KCNQ1: variants seen among roughly 807,000 people sequenced by gnomAD.
KCNQ1 encodes the protein potassium voltage-gated channel subfamily Q member 1.
Under a neutral mutation model 72.4 loss-of-function variants are expected in KCNQ1, and 49 were observed. The observed-to-expected ratio is 0.68, with a 90% CI of 0.54 to 0.86. KCNQ1 has a LOEUF of 0.86. KCNQ1 is among the 40% of genes least tolerant of loss of function. KCNQ1 has a pLI of 0.00. For synonymous variants in KCNQ1, 450 were observed against 412.6 expected, an observed-to-expected ratio of 1.09 and a Z score of -1.10; for missense variants, 790 against 945.1, an observed-to-expected ratio of 0.84 and a Z score of 2.15.
At chr11:2,846,156 G>C (rs1373480354) in intron 15 of KCNQ1, among the ~76,000 whole-genome samples, 1 of 152,178 alleles carries the variant, frequency 6.6e-6, no homozygotes, top group Non-Finnish European at 1.5e-5. Flanking sequence ...GACCAGGCCC[G>C]CCCGGCGCAG....
chr11:2,632,402 T>C (rs528128058), intron 10 of KCNQ1: 3 of 398,446 alleles, frequency 7.5e-6, no homozygotes, highest in African/African-American at 4.1e-5. Flanking sequence ...ACTACTATGT[T>C]TAATATAATG....
rs1850868130 is a variant in KCNQ1, at chr11:2,704,167, C to A, written c.1514+42086C>A. 6.6e-6 allele frequency among the ~76,000 whole-genome samples: 1 copy of A among 152,264 alleles called. No individual in the cohort carries two copies. Among genetic ancestry groups the A allele is most frequent in the Admixed American group, 6.5e-5 (1 of 15,288 alleles). ...TGTCCTGGGTAAGGGCTCTGTGATCCTGCAACGCCCACCTTCTTCCTTCAC... is the reference window on the plus strand; with the variant it reads ...TGTCCTGGGTAAGGGCTCTGTGATCATGCAACGCCCACCTTCTTCCTTCAC... On this transcript the variant is annotated intron_variant, in intron 11 of 15. Transcript: ENST00000155840. This position sits in a 1 kb window ranked among gnomAD's most constrained non-coding sequence, Gnocchi z 4.3.
chr11:2,721,101 G>C (rs1296349770), intron 11 of KCNQ1, among the ~76,000 whole-genome samples: 1 of 152,180 alleles, frequency 6.6e-6, no homozygotes, highest in Non-Finnish European at 1.5e-5. Flanking sequence ...GTGGGGAGGG[G>C]ATTGGTGGGG....
At chr11:2,656,187 T>A (rs774153701) in intron 10 of KCNQ1, 3 of 398,430 alleles carry the variant, frequency 7.5e-6, no homozygotes, top group Non-Finnish European at 1.3e-5. Flanking sequence ...CTTTCTTCCT[T>A]CCTTTAAAAA....
intron 2 of KCNQ1, among the ~76,000 whole-genome samples, chr11:2,542,599 C>T (rs935780241): frequency 3.3e-5 from 5 of 152,350 alleles, no homozygotes; most frequent in Middle Eastern, 3.4e-3. Flanking sequence ...TTCTCGCTCC[C>T]GTCGCTGGCC....
intron 11 of KCNQ1, chr11:2,672,100 C>T: frequency 5.0e-6 from 2 of 398,732 alleles, no homozygotes; most frequent in Non-Finnish European, 8.8e-6. Flanking sequence ...GTCTTCTGCC[C>T]ACAGGGGACC....
chr11:2,545,623 T>A (rs1847893620), intron 2 of KCNQ1, among the ~76,000 whole-genome samples: 1 of 152,152 alleles, frequency 6.6e-6, no homozygotes, highest in South Asian at 2.1e-4. Flanking sequence ...TAGGTGATAA[T>A]TATATTCAGG....
chr11:2,833,608 C>T (rs935720001), intron 15 of KCNQ1, among the ~76,000 whole-genome samples: 13 of 152,224 alleles, frequency 8.5e-5, no homozygotes, highest in Non-Finnish European at 1.6e-4. Context: ...CTGGGGTGGG[C>T]AGGCTTCCCC....
At position 2,515,200 on chromosome 11, in the gene KCNQ1, C is replaced by G. The variant is rs1196239311; in HGVS notation, c.387-12728C>G. On this transcript the variant is annotated intron_variant, in intron 1 of 15. Coordinates refer to ENST00000155840, the MANE Select transcript of KCNQ1 (RefSeq NM_000218.3). The surrounding 1 kb of genome is among the most constrained non-coding windows in gnomAD (Gnocchi z 4.7). ...CCCTCTCCACCTCCCCTTTGGAGTCCCAGAGTGACCTTTCTCCGTCTTTCT... is the reference window on the plus strand; with the variant it reads ...CCCTCTCCACCTCCCCTTTGGAGTCGCAGAGTGACCTTTCTCCGTCTTTCT... Among the ~76,000 whole-genome samples, 1 of 152,110 alleles carries G rather than the reference C, an allele frequency of 6.6e-6. No homozygotes were observed. Among genetic ancestry groups the G allele is most frequent in the Non-Finnish European group, 1.5e-5 (1 of 68,032 alleles).
chr11:2,663,142 C>T lies in KCNQ1; in HGVS notation c.1514+1061C>T. ...GGTAATTATGATCAGACAGGACCTG[C>T]CCACTGTCTTTCCAGGCCCCCCCAG... On this transcript the variant is annotated intron_variant, in intron 11 of 15. Coordinates refer to ENST00000155840, the MANE Select transcript of KCNQ1 (RefSeq NM_000218.3). The surrounding 1 kb of genome is among the most constrained non-coding windows in gnomAD (Gnocchi z 5.2). The T allele has an allele frequency of 2.5e-6, 1 of 398,712 alleles. No individual in the cohort carries two copies. The highest frequency in any genetic ancestry group is 4.4e-6 in the Non-Finnish European group (1 of 226,158). The allele number at this position is 398,712 out of a possible 1,614,324, so 24.7% of individuals were successfully genotyped here. A position where few individuals can be genotyped will look rare whatever the true frequency, so the allele number is the denominator to read the frequency against.
At position 2,626,162 on chromosome 11, in the gene KCNQ1, CTA is replaced by C. The variant is rs144940002; in HGVS notation, c.1394-35797_1394-35796del. 8,525 of 398,500 alleles carry C rather than the reference CTA, an allele frequency of 0.021. 531 individuals carry two copies. Among genetic ancestry groups the C allele is most frequent in the African/African-American group, 0.15 (7,168 of 48,690 alleles). The allele number at this position is 398,500 out of a possible 1,614,324, so 24.7% of individuals were successfully genotyped here. ...CTGCCAATGATGTAAAGTTTTTCCCCTATGTTTCCTTATAAGACTTCATAGTT... is the reference window on the plus strand; with the variant it reads ...CTGCCAATGATGTAAAGTTTTTCCCCTGTTTCCTTATAAGACTTCATAGTT... On this transcript the variant is annotated intron_variant, in intron 10 of 15. Transcript: ENST00000155840. This position sits in a 1 kb window ranked among gnomAD's most constrained non-coding sequence, Gnocchi z 4.0.
intron 10 of KCNQ1, among the ~76,000 whole-genome samples, chr11:2,607,923 C>T (rs1848907355): frequency 6.6e-6 from 1 of 152,096 alleles, no homozygotes; most frequent in Admixed American, 6.5e-5. Context: ...TAATGAAATA[C>T]AAAAATCAAT....
chr11:2,819,407 A>G (rs1208633891), intron 15 of KCNQ1, among the ~76,000 whole-genome samples: 1 of 152,216 alleles, frequency 6.6e-6, no homozygotes, highest in Non-Finnish European at 1.5e-5. Context: ...GTCAGCCCAT[A>G]CATGAGGGTA....
Position 2,673,433 on chromosome 11 carries a change from A to G in KCNQ1, c.1514+11352A>G, listed in dbSNP as rs955712419. ...CCTAGGCACCAGGCCTGGAGGTTCC[A>G]ACTTGGTGTTGGGCCTCCTTGAGCC... On this transcript the variant is annotated intron_variant, in intron 11 of 15. Transcript: ENST00000155840. The surrounding 1 kb of genome is among the most constrained non-coding windows in gnomAD (Gnocchi z 4.5). 8 of 398,666 alleles carry G rather than the reference A, an allele frequency of 2.0e-5. No homozygotes were observed. The highest frequency in any genetic ancestry group is 1.6e-4 in the African/African-American group (8 of 48,764). The allele number at this position is 398,666 out of a possible 1,614,324, so 24.7% of individuals were successfully genotyped here.
chr11:2,662,049 G>A lies in KCNQ1; in HGVS notation c.1482G>A (p.Glu494=). ...SFAEDLDLEG[E]TLLTPITHIS... ...CCGAGGACCTGGACCTGGAAGGGGAGACTCTGCTGACACCCATCACCCACA... is the reference window on the plus strand; with the variant it reads ...CCGAGGACCTGGACCTGGAAGGGGAAACTCTGCTGACACCCATCACCCACA... Residue 494 remains glutamate, a synonymous_variant, in exon 11 of 16, where the codon GAG becomes GAA. Coordinates refer to ENST00000155840, the MANE Select transcript of KCNQ1 (RefSeq NM_000218.3). 6.2e-7 allele frequency: 1 copy of A among 1,614,250 alleles called. No homozygotes were observed. The highest frequency in any genetic ancestry group is 8.5e-7 in the Non-Finnish European group (1 of 1,180,046).
intron 10 of KCNQ1, chr11:2,637,512 C>A (rs1159676080): frequency 6.6e-6 from 1 of 152,212 alleles, no homozygotes; most frequent in African/African-American, 2.4e-5. Context: ...GTTTCTTAAT[C>A]CTGAGTTCTA....
At chr11:2,843,956 C>T (rs1279192157) in intron 15 of KCNQ1, among the ~76,000 whole-genome samples, 2 of 152,322 alleles carry the variant, frequency 1.3e-5, no homozygotes, top group South Asian at 2.1e-4. Flanking sequence ...TGATCTGTCC[C>T]AGCAGTTCTT....
rs1226588848 is a variant in KCNQ1, at chr11:2,824,209, T to G, written c.1795-23558T>G. 2.0e-5 allele frequency among the ~76,000 whole-genome samples: 3 copies of G among 151,792 alleles called. No individual in the cohort carries two copies. Among genetic ancestry groups the G allele is most frequent in the African/African-American group, 4.8e-5 (2 of 41,252 alleles). On this transcript the variant is annotated intron_variant, in intron 15 of 15. Transcript: ENST00000155840. This position sits in a 1 kb window ranked among gnomAD's most constrained non-coding sequence, Gnocchi z 5.9. Reference sequence around the variant, plus strand: ...CAAGAGCCACCCCCTGGCTGAAGTGTGAGGCTGTCCATGGAGGGGCCAGAG... The same window carrying G: ...CAAGAGCCACCCCCTGGCTGAAGTGGGAGGCTGTCCATGGAGGGGCCAGAG...
rs1485642101 is a variant in KCNQ1 at position 2,724,912 on chromosome 11, A to G, written c.1515-43932A>G. Among the ~76,000 whole-genome samples the G allele has an allele frequency of 6.6e-6, 1 of 152,180 alleles. No homozygotes were observed. Among genetic ancestry groups the G allele is most frequent in the Non-Finnish European group, 1.5e-5 (1 of 68,022 alleles). On this transcript the variant is annotated intron_variant, in intron 11 of 15. Transcript: ENST00000155840. The surrounding 1 kb of genome is among the most constrained non-coding windows in gnomAD (Gnocchi z 6.8). ...CGGTGGTCTCTGTCACAGGGTAGAG[A>G]TGACTGATCCAGTAACCTGGACAGG...
Sources: gnomAD v4.1 joint callset for allele counts (sites outside exome capture counted in the v4.1 genomes callset) on GRCh38, gnomAD v4.1.1 for gene constraint, Gnocchi (gnomAD v3.1) non-coding constraint, MANE v1.5 for transcripts, NCBI Gene and HGNC (gene_info 2026-07-23, HGNC 2026-07-21) for gene names.